TMEM132D: variants seen among roughly 807,000 people sequenced by gnomAD.
TMEM132D encodes transmembrane protein 132D.
In TMEM132D, 21 loss-of-function variants were observed where a neutral mutation model predicts 62.3. The ratio of observed to expected loss-of-function variants is 0.34; its 90% CI spans 0.24 to 0.49. The LOEUF is 0.49. TMEM132D is among the 20% of genes least tolerant of loss of function. The probability of loss-of-function intolerance (pLI) is 0.99; values close to 1 mark genes in which losing one functional copy is unlikely to be tolerated. For synonymous variants in TMEM132D, 621 were observed against 575.6 expected (o/e 1.08, Z -1.13); for missense variants, 1,346 against 1,402.8 (o/e 0.96, Z 0.65).
chr12:129,571,839 T>C (rs1005351426), intron 2 of TMEM132D, among the ~76,000 whole-genome samples: 5 of 151,298 alleles, frequency 3.3e-5, no homozygotes, highest in East Asian at 2.0e-4. Flanking sequence ...TTAAAGACCA[T>C]TGTGAATAAG....
Position 129,690,783 on chromosome 12 carries a change from A to T in TMEM132D, c.968+9027T>A, listed in dbSNP as rs566506958. On this transcript the variant is annotated intron_variant, in intron 2 of 8. Transcript: ENST00000422113. ...GCACTCCTCTGTGAGCAACTGATAG[A>T]TCAAACAGGCAGAAAATCAGTAAGG... Among the ~76,000 whole-genome samples the T allele has an allele frequency of 1.4e-4, 21 of 152,248 alleles. No homozygotes were observed. The South Asian group carries it at 4.3e-3, about 32-fold the overall frequency.
chr12:129,677,492 G>A (rs568385598), intron 2 of TMEM132D, among the ~76,000 whole-genome samples: 2 of 152,292 alleles, frequency 1.3e-5, no homozygotes, highest in South Asian at 4.1e-4. Flanking sequence ...AGTGAATGTT[G>A]CTGTGAAGAG....
chr12:129,114,883 C>T (rs568585160), intron 5 of TMEM132D, among the ~76,000 whole-genome samples: 1 of 152,296 alleles, frequency 6.6e-6, no homozygotes, highest in South Asian at 2.1e-4. Context: ...GGATAGCATT[C>T]CATTGCGTGA....
intron 3 of TMEM132D, among the ~76,000 whole-genome samples, chr12:129,355,103 T>C (rs1869997835): frequency 6.6e-6 from 1 of 152,218 alleles, no homozygotes; most frequent in African/African-American, 2.4e-5. Context: ...CGATACTGTG[T>C]CTAAAAATCA....
At chr12:129,104,537 C>G (rs985959607) in intron 5 of TMEM132D, among the ~76,000 whole-genome samples, 3 of 152,156 alleles carry the variant, frequency 2.0e-5, no homozygotes, top group African/African-American at 7.2e-5. Context: ...CCAAAATTGA[C>G]AAATGGGATC....
intron 2 of TMEM132D, among the ~76,000 whole-genome samples, chr12:129,607,894 C>A (rs894985143): frequency 3.3e-5 from 5 of 152,300 alleles, no homozygotes; most frequent in Middle Eastern, 3.4e-3. Flanking sequence ...TTATAGCATA[C>A]TTTTCAAGCC....
rs1339042472 is a variant in TMEM132D, at chr12:129,268,985, T to C, written c.1300-59322A>G. ...ATTGAACAGTGAGAACACATGGACA[T>C]AGGAAGGGGAACATCACACACCGGG... On this transcript the variant is annotated intron_variant, in intron 4 of 8. Transcript: ENST00000422113. 3.4e-3 allele frequency among the ~76,000 whole-genome samples: 413 copies of C among 120,244 alleles called. 1 individual carries two copies. The highest frequency in any genetic ancestry group is 5.3e-3 in the African/African-American group (164 of 30,706). 78.9% of individuals were successfully genotyped at this position (120,244 alleles called of 152,430 possible).
chr12:129,470,900 G>A (rs1243192045), intron 3 of TMEM132D, among the ~76,000 whole-genome samples: 1 of 152,094 alleles, frequency 6.6e-6, no homozygotes, highest in African/African-American at 2.4e-5. Flanking sequence ...AACCACAAAA[G>A]TTGGTCTGTG....
At chr12:129,682,031 T>G (rs1880789963) in intron 2 of TMEM132D, among the ~76,000 whole-genome samples, 1 of 152,222 alleles carries the variant, frequency 6.6e-6, no homozygotes, top group Admixed American at 6.5e-5. Context: ...CTGAGTTAGG[T>G]GTTTCCCTGA....
intron 4 of TMEM132D, among the ~76,000 whole-genome samples, chr12:129,244,286 T>C (rs946951849): frequency 1.3e-5 from 2 of 149,650 alleles, no homozygotes; most frequent in African/African-American, 2.5e-5. Flanking sequence ...CTCGGGAGGC[T>C]GAGGCAGGAG....
At chr12:129,391,756 T>G (rs1871295449) in intron 3 of TMEM132D, among the ~76,000 whole-genome samples, 1 of 152,168 alleles carries the variant, frequency 6.6e-6, no homozygotes, top group Admixed American at 6.5e-5. Context: ...GGCATCAGTA[T>G]TTCTTTTTTT....
chr12:129,399,880 CGT>C (rs142546414), intron 3 of TMEM132D, among the ~76,000 whole-genome samples: 8 of 147,944 alleles, frequency 5.4e-5, no homozygotes, highest in Non-Finnish European at 1.0e-4. Context: ...TGTGTGTGTG[CGT>C]GTGTGTGTGT....
At chr12:129,496,343 G>A (rs11060378) in intron 3 of TMEM132D, among the ~76,000 whole-genome samples, 13,195 of 152,102 alleles carry the variant, frequency 0.087, 684 homozygotes, top group East Asian at 0.2. Flanking sequence ...AGCCATTCCC[G>A]ACTGGTTTTA....
At chr12:129,510,234 C>G (rs55966340) in intron 3 of TMEM132D, among the ~76,000 whole-genome samples, 1 of 151,978 alleles carries the variant, frequency 6.6e-6, no homozygotes, top group African/African-American at 2.4e-5. Context: ...ATGTTGAGCA[C>G]GTTTTCATAT....
chr12:129,634,505 A>ATGGCAC (rs1361132408), intron 2 of TMEM132D, among the ~76,000 whole-genome samples: 3 of 151,106 alleles, frequency 2.0e-5, no homozygotes, highest in African/African-American at 7.3e-5. Context: ...ATTTTTCAGG[A>ATGGCAC]TGGCACTGTA....
At chr12:129,703,051 A>T (rs1881420923) in intron 1 of TMEM132D, among the ~76,000 whole-genome samples, 1 of 152,204 alleles carries the variant, frequency 6.6e-6, no homozygotes, top group Admixed American at 6.5e-5. Context: ...CCTATTGTTA[A>T]AAACACATCT....
chr12:129,698,930 A>G (rs1360754155), intron 2 of TMEM132D, among the ~76,000 whole-genome samples: 1 of 152,172 alleles, frequency 6.6e-6, no homozygotes, highest in East Asian at 1.9e-4. Flanking sequence ...TGTCTTACAT[A>G]CAGTTACACT....
At chr12:129,209,190 G>T (rs1009282452) in intron 5 of TMEM132D, among the ~76,000 whole-genome samples, 1 of 152,120 alleles carries the variant, frequency 6.6e-6, no homozygotes, top group Non-Finnish European at 1.5e-5. Context: ...CTTCTCCCCT[G>T]CCTGGGGTGG....
At chr12:129,628,234 G>A (rs1315712945) in intron 2 of TMEM132D, among the ~76,000 whole-genome samples, 1 of 152,182 alleles carries the variant, frequency 6.6e-6, no homozygotes, top group African/African-American at 2.4e-5. Flanking sequence ...TTTAGAATGT[G>A]TACTTCCAGC....
Sources: allele counts gnomAD v4.1 joint callset (sites outside exome capture counted in the v4.1 genomes callset), GRCh38; gene constraint gnomAD v4.1.1; transcripts MANE v1.5; gene names NCBI Gene and HGNC (gene_info 2026-07-23, HGNC 2026-07-21).